The following PRH1 variants were observed in gnomAD, a reference collection of about 807,000 sequenced individuals.
PRH1 encodes the protein salivary acidic proline-rich phosphoprotein 1/2.
PRH1 carries 7 observed loss-of-function variants against 7.9 expected under a neutral mutation model. The observed-to-expected ratio is 0.89, with a 90% CI of 0.50 to 1.67. PRH1 has a LOEUF of 1.67. Ranked by LOEUF, PRH1 falls within the 40% of genes most tolerant of loss-of-function variation. The pLI, the probability that PRH1 is intolerant of heterozygous loss-of-function variation, is 0.00. For missense variants in PRH1, 109 were observed against 223.6 expected, an observed-to-expected ratio of 0.49 and a Z score of 3.27; for synonymous variants, 45 against 80.8, an observed-to-expected ratio of 0.56 and a Z score of 2.38.
Position 11,077,547 on chromosome 12 carries a change from G to C in PRH1, n.124-30359C>G, listed in dbSNP as rs760865010. 270 of 1,216,092 alleles carry C rather than the reference G, an allele frequency of 2.2e-4. 74 individuals carry two copies. The highest frequency in any genetic ancestry group is 2.9e-4 in the Non-Finnish European group (246 of 849,642). 75.3% of individuals were successfully genotyped at this position (1,216,092 alleles called of 1,614,324 possible). The stretch of plus-strand genomic sequence containing the variant: ...AAATGGCATATAACATGAGGAAGGA[G>C]ATCACAGTTTGCAAAGCTTTTATGT... On this transcript the variant is annotated intron_variant and non_coding_transcript_variant, in intron 1 of 4. Coordinates refer to the PRH1 transcript ENST00000541977.
chr12:11,144,680 C>T (rs78165004), intron 1 of PRH1, among the ~76,000 whole-genome samples: 1 of 152,290 alleles, frequency 6.6e-6, no homozygotes, highest in South Asian at 2.1e-4. Flanking sequence ...GGTTTTACCC[C>T]CTGCTCCTCT....
upstream of PRH1, chr12:11,048,587 G>A: frequency 3.5e-6 from 2 of 577,286 alleles, no homozygotes; most frequent in Non-Finnish European, 6.4e-6. Context: ...GCTTTTATGT[G>A]CACCTTGGTG....
upstream of PRH1, among the ~76,000 whole-genome samples, chr12:11,051,486 A>C (rs1450202508): frequency 1.3e-5 from 2 of 152,236 alleles, no homozygotes; most frequent in Admixed American, 6.5e-5. Context: ...CAAAAATGGA[A>C]AACATAGCAA....
At chr12:10,931,936 T>C (rs1355845613) in intron 2 of PRH1, among the ~76,000 whole-genome samples, 1 of 152,346 alleles carries the variant, frequency 6.6e-6, no homozygotes, top group East Asian at 1.9e-4. Context: ...ACAGGATATG[T>C]TGCAGTCCCC....
At chr12:11,108,988 G>A (rs868602822) in intron 1 of PRH1, among the ~76,000 whole-genome samples, 14 of 152,164 alleles carry the variant, frequency 9.2e-5, no homozygotes, top group Admixed American at 8.5e-4. Context: ...TCAAGGGAAG[G>A]ATGTCCGCCA....
intron 2 of PRH1, among the ~76,000 whole-genome samples, chr12:10,915,790 T>A (rs989577673): frequency 1.3e-4 from 20 of 152,252 alleles, no homozygotes; most frequent in African/African-American, 4.8e-4. Context: ...ATCTGTCCTG[T>A]CTTTGCTTTT....
At chr12:10,945,038 G>T (rs1950464966) in intron 2 of PRH1, among the ~76,000 whole-genome samples, 1 of 152,118 alleles carries the variant, frequency 6.6e-6, no homozygotes, top group African/African-American at 2.4e-5. Flanking sequence ...TTGTGTCTCT[G>T]CCAGGTTTTG....
intron 1 of PRH1, among the ~76,000 whole-genome samples, chr12:11,128,512 A>C (rs1363470764): frequency 1.3e-5 from 2 of 152,180 alleles, no homozygotes; most frequent in Non-Finnish European, 2.9e-5. Flanking sequence ...TGGGAGGCCA[A>C]GGCAGGTGGA....
intron 1 of PRH1, among the ~76,000 whole-genome samples, chr12:11,035,434 T>G (rs1172712961): frequency 2.0e-5 from 3 of 152,220 alleles, no homozygotes; most frequent in Admixed American, 2.0e-4. Context: ...CTCTATTGGA[T>G]TCTCAAAATT....
chr12:11,036,211 A>T (rs1373852983), intron 1 of PRH1, among the ~76,000 whole-genome samples: 1 of 152,224 alleles, frequency 6.6e-6, no homozygotes, highest in East Asian at 1.9e-4. Flanking sequence ...TTTAATTAGC[A>T]GAAATCAAAA....
At chr12:10,982,676 T>TA (rs1211165037) in intron 1 of PRH1, among the ~76,000 whole-genome samples, 1 of 152,164 alleles carries the variant, frequency 6.6e-6, no homozygotes, top group African/African-American at 2.4e-5. Context: ...GTGGTACCCA[T>TA]AAGCAGGAAG....
chr12:11,077,505 G>C, intron 1 of PRH1: 1 of 1,063,956 alleles, frequency 9.4e-7, no homozygotes, highest in Non-Finnish European at 1.4e-6. Flanking sequence ...AGGTTAATGT[G>C]ATTAGATACA....
At chr12:11,007,352 T>A (rs905139768) in intron 1 of PRH1, among the ~76,000 whole-genome samples, 5 of 152,020 alleles carry the variant, frequency 3.3e-5, no homozygotes, top group African/African-American at 1.2e-4. Flanking sequence ...TCTTTTAATT[T>A]AAAAAAATGA....
At chr12:11,145,762 CTT>C (rs5796424) in intron 1 of PRH1, among the ~76,000 whole-genome samples, 13 of 151,304 alleles carry the variant, frequency 8.6e-5, no homozygotes, top group Non-Finnish European at 1.6e-4. Context: ...AAATTAAGAA[CTT>C]TTTTTTTGTA....
chr12:11,039,825 A>T (rs1942630575), intron 1 of PRH1, among the ~76,000 whole-genome samples: 1 of 152,230 alleles, frequency 6.6e-6, no homozygotes, highest in African/African-American at 2.4e-5. Flanking sequence ...ACATTCACAA[A>T]CATACACACA....
At chr12:10,942,139 G>T (rs1288673654) in intron 2 of PRH1, among the ~76,000 whole-genome samples, 1 of 152,102 alleles carries the variant, frequency 6.6e-6, no homozygotes, top group East Asian at 1.9e-4. Flanking sequence ...GGGGTGAAAT[G>T]GACTCTGTGA....
At chr12:10,983,789 A>T (rs995307462) in intron 1 of PRH1, among the ~76,000 whole-genome samples, 1 of 152,184 alleles carries the variant, frequency 6.6e-6, no homozygotes, top group South Asian at 2.1e-4. Flanking sequence ...TGAAGTGGTC[A>T]TCAGCAGAGT....
intron 2 of PRH1, among the ~76,000 whole-genome samples, chr12:10,919,242 A>T (rs1395032317): frequency 6.6e-6 from 1 of 152,216 alleles, no homozygotes; most frequent in East Asian, 1.9e-4. Context: ...GGAAAAATCT[A>T]TCTCACACAA....
intron 1 of PRH1, among the ~76,000 whole-genome samples, chr12:11,002,652 G>C (rs1171000132): frequency 2.6e-5 from 4 of 151,934 alleles, no homozygotes; most frequent in African/African-American, 9.7e-5. Context: ...TACAATCTCA[G>C]CTACTGTCAC....
Sources: gnomAD v4.1 joint callset for allele counts (sites outside exome capture counted in the v4.1 genomes callset) on GRCh38, gnomAD v4.1.1 for gene constraint, MANE v1.5 for transcripts, NCBI Gene and HGNC (gene_info 2026-07-23, HGNC 2026-07-21) for gene names.